The following PHF20 variants were observed in gnomAD, a reference collection of about 807,000 sequenced individuals.
PHF20 encodes glioma-expressed antigen 2.
In PHF20, 23 loss-of-function variants were observed where a neutral mutation model predicts 113.5. The observed-to-expected ratio is 0.20, with a 90% confidence interval of 0.15 to 0.29. The LOEUF is 0.29. Ranked by LOEUF, PHF20 falls within the 10% of genes least tolerant of loss-of-function variation. PHF20 has a pLI of 1.00. For missense variants in PHF20, 943 were observed against 1,219.6 expected, an observed-to-expected ratio of 0.77 and a Z score of 3.38; for synonymous variants, 434 against 457.3, an observed-to-expected ratio of 0.95 and a Z score of 0.65.
chr20:35,873,124 C>CA (rs2054452622), intron 9 of PHF20, among the ~76,000 whole-genome samples: 1 of 146,680 alleles, frequency 6.8e-6, no homozygotes, highest in Admixed American at 6.8e-5. Context: ...TTTTTTGAGA[C>CA]AGAATCTTGC....
At chr20:35,875,595 T>G (rs1283808365) in intron 9 of PHF20, among the ~76,000 whole-genome samples, 1 of 152,168 alleles carries the variant, frequency 6.6e-6, no homozygotes, top group Non-Finnish European at 1.5e-5. Context: ...CAGCCTGCTC[T>G]TCTGACATGT....
In PHF20 at chr20:35,938,751, A is replaced by C. The variant is rs1401098475; in HGVS notation, c.2355A>C (p.Ser785=). ...GGTGCCAGCCTTGGAAACAGCACTC[A>C]GGGGAGGGGAGATCTCATTTCAGAA... ...PLWCQPWKQH[S]GEGRSHFRNI... The change falls in exon 16 of 18, where the codon TCA becomes TCC. Residue 785 remains serine, a synonymous_variant. Transcript: ENST00000374012. The C allele has an allele frequency of 3.7e-6, 6 of 1,613,798 alleles. No homozygotes were observed. The highest frequency in any genetic ancestry group is 4.2e-6 in the Non-Finnish European group (5 of 1,179,902).
At chr20:35,895,321 G>T (rs983806459) in intron 9 of PHF20, among the ~76,000 whole-genome samples, 1 of 151,916 alleles carries the variant, frequency 6.6e-6, no homozygotes, top group African/African-American at 2.4e-5. Context: ...ACCGTGCCCC[G>T]CTAATTTTTG....
At chr20:35,943,823 G>A (rs2056036526) in intron 17 of PHF20, among the ~76,000 whole-genome samples, 1 of 152,072 alleles carries the variant, frequency 6.6e-6, no homozygotes, top group South Asian at 2.1e-4. Context: ...GTTTCACTAT[G>A]TTGGCCAGGC....
rs1344049990 is a variant in PHF20 at position 35,842,882 on chromosome 20, C to T, written c.255+138C>T. On this transcript the variant is annotated intron_variant, in intron 3 of 17. Coordinates refer to ENST00000374012, the MANE Select transcript of PHF20 (RefSeq NM_016436.5). ...AGTTGTAACCCTGAGATCTCTATGA[C>T]ACCTGGGGCTCTTGAAGAATCCCAA... 7.4e-6 allele frequency: 5 copies of T among 675,420 alleles called. No individual in the cohort carries two copies. The East Asian group carries it at 1.4e-4, about 19-fold the overall frequency. The allele number at this position is 675,420 out of a possible 1,614,324, so 41.8% of individuals were successfully genotyped here. A position where few individuals can be genotyped will look rare whatever the true frequency, so the allele number is the denominator to read the frequency against.
At chr20:35,857,562 CTTTTTTTTTTTTTTT>C (rs56655276) in intron 4 of PHF20, among the ~76,000 whole-genome samples, 6 of 99,674 alleles carry the variant, frequency 6.0e-5, no homozygotes, top group Non-Finnish European at 9.2e-5. Flanking sequence ...AATGATGTTC[CTTTTTTTTTTTTTTT>C]TTTTTTTTTG....
At chr20:35,790,175 C>T (rs1214584761) in intron 1 of PHF20, among the ~76,000 whole-genome samples, 1 of 151,670 alleles carries the variant, frequency 6.6e-6, no homozygotes, top group Non-Finnish European at 1.5e-5. Flanking sequence ...AGTAACCCTG[C>T]AAGCTTATTG....
At position 35,842,712 on chromosome 20, in the gene PHF20, A is replaced by G; in HGVS notation, c.223A>G (p.Lys75Glu). ...CCCTTTAGAGAAAATACAGCTGAGG[A>G]AAGAGGGCTTGCATGAAGAGGATGG... ...LRPLEKIQLR[K>E]EGLHEEDGSS... Residue 75 changes from lysine (K) to glutamate (E), a missense_variant, in exon 3 of 18, where the codon AAA becomes GAA. Lys to Glu is a moderately conservative substitution (Grantham distance 56, BLOSUM62 1). Around this residue, in one of 3 missense-constraint regions of PHF20, gnomAD observed 592 missense variants for 787.2 expected, o/e 0.75. Coordinates refer to ENST00000374012, the MANE Select transcript of PHF20 (RefSeq NM_016436.5). 16 of 1,614,088 alleles carry G rather than the reference A, an allele frequency of 9.9e-6. No individual in the cohort carries two copies. Among genetic ancestry groups the G allele is most frequent in the Non-Finnish European group, 1.4e-5 (16 of 1,179,976 alleles).
At chr20:35,920,603 A>G (rs1269843392) in intron 13 of PHF20, among the ~76,000 whole-genome samples, 1 of 152,214 alleles carries the variant, frequency 6.6e-6, no homozygotes, top group African/African-American at 2.4e-5. Flanking sequence ...CTCTTTCCCT[A>G]TGCGGCCTTA....
rs1017300507 is a variant in PHF20, at chr20:35,938,525, G to A, written c.2301-172G>A. On this transcript the variant is annotated intron_variant, in intron 15 of 17. Transcript: ENST00000374012. The stretch of plus-strand genomic sequence containing the variant: ...CCACAGTGGGAGCTCACTAAGGAGT[G>A]GTCTCCTAGGAGACCACGGATTCAC... The A allele has an allele frequency of 1.2e-4, 74 of 642,034 alleles. 1 individual carries two copies. Among genetic ancestry groups the A allele is most frequent in the Admixed American group, 1.8e-4 (7 of 38,544 alleles). 39.8% of individuals were successfully genotyped at this position (642,034 alleles called of 1,614,324 possible).
Position 35,789,854 on chromosome 20 carries a change from C to G in PHF20, c.-32-11637C>G, listed in dbSNP as rs1184442617. On this transcript the variant is annotated intron_variant, in intron 1 of 17. Coordinates refer to ENST00000374012, the MANE Select transcript of PHF20 (RefSeq NM_016436.5). ...AGCCATGGCGCCCAGCCCCCGCCCC[C>G]CCCCCCCCCTTTTTTTTTATACACA... Among the ~76,000 whole-genome samples, 3 of 103,452 alleles carry G rather than the reference C, an allele frequency of 2.9e-5. 1 individual carries two copies. Among genetic ancestry groups the G allele is most frequent in the African/African-American group, 4.0e-5 (1 of 24,754 alleles). 67.9% of individuals were successfully genotyped at this position (103,452 alleles called of 152,430 possible). A position where few individuals can be genotyped will look rare whatever the true frequency, so the allele number is the denominator to read the frequency against.
At chr20:35,880,453 G>A (rs1184478554) in intron 9 of PHF20, among the ~76,000 whole-genome samples, 3 of 152,104 alleles carry the variant, frequency 2.0e-5, no homozygotes, top group African/African-American at 7.2e-5. Flanking sequence ...TTCAGGATAG[G>A]GAGATAGCCT....
chr20:35,778,026 C>T (rs754277106), intron 1 of PHF20, among the ~76,000 whole-genome samples: 56 of 152,086 alleles, frequency 3.7e-4, no homozygotes, highest in Non-Finnish European at 6.0e-4. Flanking sequence ...CATCATCTTC[C>T]TAAGAAATAA....
At position 35,916,860 on chromosome 20, in the gene PHF20, C is replaced by T. The variant is rs150098302; in HGVS notation, c.1826-624C>T. On this transcript the variant is annotated intron_variant, in intron 12 of 17. Coordinates refer to ENST00000374012, the MANE Select transcript of PHF20 (RefSeq NM_016436.5). ...CACTGCAGCCTCAAACTCGCAGGCT[C>T]AAGGGATCCTCCTGCCTCAGCCTCC... Among the ~76,000 whole-genome samples the T allele has an allele frequency of 5.4e-3, 815 of 152,270 alleles. 9 individuals are homozygous for T. Among genetic ancestry groups the T allele is most frequent in the African/African-American group, 0.019 (782 of 41,548 alleles).
intron 6 of PHF20, among the ~76,000 whole-genome samples, chr20:35,866,328 G>C (rs199591993): frequency 6.6e-6 from 1 of 152,206 alleles, no homozygotes; most frequent in Non-Finnish European, 1.5e-5. Context: ...TTTTGGGAGA[G>C]AAGCCACAAT....
At chr20:35,922,232 TGTGTTAAGGA>T (rs2055532142) in intron 13 of PHF20, among the ~76,000 whole-genome samples, 1 of 152,188 alleles carries the variant, frequency 6.6e-6, no homozygotes, top group Non-Finnish European at 1.5e-5. Flanking sequence ...CACCTGGCTT[TGTGTTAAGGA>T]GGGACGGTTT....
At chr20:35,912,507 AC>A (rs1471906181) in intron 10 of PHF20, among the ~76,000 whole-genome samples, 1 of 152,150 alleles carries the variant, frequency 6.6e-6, no homozygotes, top group African/African-American at 2.4e-5. Context: ...TATGAATGGT[AC>A]CTCAATTTTT....
intron 13 of PHF20, among the ~76,000 whole-genome samples, chr20:35,925,143 A>T (rs1407418877): frequency 3.3e-5 from 5 of 152,040 alleles, no homozygotes; most frequent in Non-Finnish European, 5.9e-5. Flanking sequence ...TAATATTTTT[A>T]AAATATCTGG....
At chr20:35,907,474 G>T (rs2055221209) in intron 10 of PHF20, among the ~76,000 whole-genome samples, 1 of 152,180 alleles carries the variant, frequency 6.6e-6, no homozygotes, top group Admixed American at 6.5e-5. Context: ...TGGAACAATT[G>T]GTAAAGCTGT....
Sources: allele counts gnomAD v4.1 joint callset (sites outside exome capture counted in the v4.1 genomes callset), GRCh38; gene constraint gnomAD v4.1.1; regional missense constraint gnomAD v4.1.1; transcripts MANE v1.5; gene names NCBI Gene and HGNC (gene_info 2026-07-23, HGNC 2026-07-21).